RAPGEF4: variants seen among roughly 807,000 people sequenced by gnomAD.
RAPGEF4 encodes the protein RAP guanine-nucleotide-exchange factor (GEF) 4.
Under a neutral mutation model 147.9 loss-of-function variants are expected in RAPGEF4, and 66 were observed. The ratio of observed to expected loss-of-function variants is 0.45; its 90% CI spans 0.37 to 0.55. The LOEUF is 0.55. Ranked by LOEUF, RAPGEF4 falls within the 20% of genes least tolerant of loss-of-function variation. The pLI, the probability that RAPGEF4 is intolerant of heterozygous loss-of-function variation, is 0.00. For synonymous variants in RAPGEF4, 419 were observed against 442.7 expected, an observed-to-expected ratio of 0.95 and a Z score of 0.67; for missense variants, 1,071 against 1,257.3, an observed-to-expected ratio of 0.85 and a Z score of 2.24.
intron 6 of RAPGEF4, among the ~76,000 whole-genome samples, chr2:172,928,763 T>A (rs1459627317): frequency 6.6e-6 from 1 of 152,188 alleles, no homozygotes; most frequent in Admixed American, 6.5e-5. Context: ...TCTTCAGTCA[T>A]CAGAATTTGA....
chr2:172,996,447 A>T lies in RAPGEF4; in HGVS notation c.1491-19A>T. 1 of 1,455,174 alleles carries T rather than the reference A, an allele frequency of 6.9e-7. No homozygotes were observed. The highest frequency in any genetic ancestry group is 9.2e-7 in the Non-Finnish European group (1 of 1,083,238). 90.1% of individuals were successfully genotyped at this position (1,455,174 alleles called of 1,614,324 possible). On this transcript the variant is annotated intron_variant, in intron 15 of 30. Transcript: ENST00000397081. The stretch of plus-strand genomic sequence containing the variant: ...TGCCCACTTTTGAAAAATTAATGGC[A>T]TTTTTGTTTCTTATCCAGGTATACT...
intron 4 of RAPGEF4, among the ~76,000 whole-genome samples, chr2:172,875,116 T>A (rs945778983): frequency 6.6e-6 from 1 of 152,258 alleles, no homozygotes; most frequent in Non-Finnish European, 1.5e-5. Context: ...CTTGTAAATT[T>A]GTTTGAGTTC....
chr2:172,847,713 C>G (rs1575027203), intron 4 of RAPGEF4, among the ~76,000 whole-genome samples: 1 of 152,254 alleles, frequency 6.6e-6, no homozygotes, highest in Admixed American at 6.5e-5. Flanking sequence ...TGGGACAAAA[C>G]ATGTAAAAGG....
chr2:172,979,674 T>C (rs1228734985), intron 10 of RAPGEF4, among the ~76,000 whole-genome samples: 2 of 152,220 alleles, frequency 1.3e-5, no homozygotes, highest in African/African-American at 4.8e-5. Flanking sequence ...TTCGTGACAG[T>C]ATGTTGTAAT....
At chr2:172,958,761 TTAAA>T (rs1688989584) in intron 6 of RAPGEF4, among the ~76,000 whole-genome samples, 1 of 152,230 alleles carries the variant, frequency 6.6e-6, no homozygotes, top group Admixed American at 6.5e-5. Flanking sequence ...ATGAAAATGT[TTAAA>T]TAAGTTAGTT....
At chr2:172,850,672 G>A (rs189469147) in intron 4 of RAPGEF4, among the ~76,000 whole-genome samples, 86 of 151,956 alleles carry the variant, frequency 5.7e-4, no homozygotes, top group Non-Finnish European at 1.1e-3. Context: ...TTTATATAAA[G>A]TAAAGAAAAA....
At chr2:172,822,798 C>G (rs1053963209) in intron 4 of RAPGEF4, among the ~76,000 whole-genome samples, 6 of 152,246 alleles carry the variant, frequency 3.9e-5, no homozygotes, top group Non-Finnish European at 7.3e-5. Flanking sequence ...CTCCCCTGCA[C>G]TGTTCTCTTA....
intron 6 of RAPGEF4, among the ~76,000 whole-genome samples, chr2:172,938,045 G>A (rs1244958957): frequency 6.6e-6 from 1 of 152,088 alleles, no homozygotes; most frequent in Non-Finnish European, 1.5e-5. Flanking sequence ...TAGTCCCAGA[G>A]TCAGCCATTT....
intron 25 of RAPGEF4, among the ~76,000 whole-genome samples, 169 bp from the exon 26 acceptor site, chr2:173,029,995 A>C (rs1419137001): frequency 6.6e-6 from 1 of 152,268 alleles, no homozygotes; most frequent in African/African-American, 2.4e-5. Flanking sequence ...ATCAAACAGC[A>C]GAACATGGTC....
At chr2:172,996,777 T>G (rs1693408724) in intron 16 of RAPGEF4, among the ~76,000 whole-genome samples, 1 of 152,202 alleles carries the variant, frequency 6.6e-6, no homozygotes, top group African/African-American at 2.4e-5. Context: ...TCAGCCTCAT[T>G]TCTACATACT....
chr2:172,960,044 G>T (rs1158434324), intron 6 of RAPGEF4, among the ~76,000 whole-genome samples: 2 of 151,970 alleles, frequency 1.3e-5, no homozygotes, highest in Non-Finnish European at 2.9e-5. Flanking sequence ...AGTGAGCTAG[G>T]ATCACACCAC....
At chr2:172,879,828 G>C (rs1360055110) in intron 4 of RAPGEF4, among the ~76,000 whole-genome samples, 1 of 152,138 alleles carries the variant, frequency 6.6e-6, no homozygotes, top group Admixed American at 6.5e-5. Context: ...TGTATAATTT[G>C]TTAAGCGTAT....
rs551418106 is a variant in RAPGEF4 at position 172,876,339 on chromosome 2, G to C, written c.445-41463G>C. On this transcript the variant is annotated intron_variant, in intron 4 of 30. Transcript: ENST00000397081. The stretch of plus-strand genomic sequence containing the variant: ...CCTGTCTTGTGCCAGTTTTCAAAGG[G>C]AATGCTTCCAGTTTTTGCCCATTCA... 1.2e-4 allele frequency among the ~76,000 whole-genome samples: 19 copies of C among 152,242 alleles called. No homozygotes were observed. In the South Asian group the frequency reaches 3.7e-3, roughly 30 times the overall value.
At chr2:172,918,264 T>G (rs1019282202) in intron 5 of RAPGEF4, among the ~76,000 whole-genome samples, 1 of 149,234 alleles carries the variant, frequency 6.7e-6, no homozygotes, top group African/African-American at 2.5e-5. Flanking sequence ...TTTTTTTTTT[T>G]TTTTTACTCT....
At chr2:172,773,129 T>C (rs80288916) in intron 1 of RAPGEF4, among the ~76,000 whole-genome samples, 2,317 of 152,312 alleles carry the variant, frequency 0.015, 64 homozygotes, top group African/African-American at 0.053. Context: ...ATTTTCCTTC[T>C]TACACAAGTT....
intron 4 of RAPGEF4, chr2:172,917,459 C>T: frequency 1.7e-6 from 1 of 586,078 alleles, no homozygotes; most frequent in East Asian, 4.0e-5. Context: ...AGCTCGAGTG[C>T]CTTTTCCCTC....
intron 23 of RAPGEF4, among the ~76,000 whole-genome samples, chr2:173,021,933 T>G (rs1290486982): frequency 6.6e-6 from 1 of 152,202 alleles, no homozygotes; most frequent in Non-Finnish European, 1.5e-5. Flanking sequence ...TCACCTTTCC[T>G]CAATCACCAG....
chr2:172,978,124 G>A (rs1420171662), intron 10 of RAPGEF4, among the ~76,000 whole-genome samples: 3 of 152,160 alleles, frequency 2.0e-5, no homozygotes, highest in African/African-American at 7.2e-5. Flanking sequence ...TCTCTGCGTG[G>A]GTTGTTGATG....
chr2:172,797,380 G>A, intron 2 of RAPGEF4, 145 bp from the exon 3 acceptor site: 1 of 600,148 alleles, frequency 1.7e-6, no homozygotes, highest in East Asian at 2.8e-5. Flanking sequence ...AGAAAAACAT[G>A]TTATGTTCCT....
Sources: gnomAD v4.1 joint callset for allele counts (sites outside exome capture counted in the v4.1 genomes callset) on GRCh38, gnomAD v4.1.1 for gene constraint, MANE v1.5 for transcripts, NCBI Gene and HGNC (gene_info 2026-07-23, HGNC 2026-07-21) for gene names.